Variants in FGD4 observed in about 807,000 individuals in gnomAD.
FGD4 encodes FYVE, RhoGEF and PH domain-containing protein 4.
FGD4 carries 42 observed loss-of-function variants against 102.0 expected under a neutral mutation model. The observed-to-expected ratio is 0.41, with a 90% CI of 0.32 to 0.53. The LOEUF (loss-of-function observed/expected upper bound fraction) is 0.53. FGD4 is among the 20% of genes least tolerant of loss of function. FGD4 has a pLI of 0.21. For synonymous variants in FGD4, 380 were observed against 375.7 expected, an observed-to-expected ratio of 1.01 and a Z score of -0.13; for missense variants, 902 against 1,078.2, an observed-to-expected ratio of 0.84 and a Z score of 2.29.
chr12:32,634,363 A>G (rs548826998), intron 15 of FGD4, among the ~76,000 whole-genome samples: 1 of 152,286 alleles, frequency 6.6e-6, no homozygotes, highest in African/African-American at 2.4e-5. Context: ...GACTCTTCCA[A>G]CTTTTTATAG....
chr12:32,632,294 C>T (rs899670778), intron 14 of FGD4, among the ~76,000 whole-genome samples: 4 of 152,110 alleles, frequency 2.6e-5, no homozygotes, highest in African/African-American at 9.6e-5. Context: ...AGCTTACAGC[C>T]CTATAAGGGA....
At chr12:32,480,699 C>T (rs1349895653) in intron 1 of FGD4, among the ~76,000 whole-genome samples, 4 of 151,694 alleles carry the variant, frequency 2.6e-5, no homozygotes, top group Non-Finnish European at 5.9e-5. Context: ...CGGGGTTTCA[C>T]CATGTTGGCC....
chr12:32,624,387 T>C, intron 11 of FGD4, 35 bp from the exon 12 acceptor site: 1 of 1,498,042 alleles, frequency 6.7e-7, no homozygotes, highest in African/African-American at 1.4e-5. Flanking sequence ...ATCATTAATA[T>C]TATTTACATT....
intron 4 of FGD4, among the ~76,000 whole-genome samples, chr12:32,587,362 A>AT (rs1452524615): frequency 2.7e-5 from 4 of 146,578 alleles, no homozygotes; most frequent in African/African-American, 5.0e-5. Flanking sequence ...GCTATTGCTT[A>AT]TTTTTTATTC....
At position 32,544,450 on chromosome 12, in the gene FGD4, G is replaced by A. The variant is rs1943077196; in HGVS notation, c.167-19687G>A. On this transcript the variant is annotated intron_variant, in intron 1 of 16. Transcript: ENST00000534526. This position sits in a 1 kb window ranked among gnomAD's most constrained non-coding sequence, Gnocchi z 4.1. Reference sequence around the variant, plus strand: ...CTCAAAACAAAGAAAATTGTTTTTGGCTGGGTGCAGTGGCTCATGCCTGTA... The same window carrying A: ...CTCAAAACAAAGAAAATTGTTTTTGACTGGGTGCAGTGGCTCATGCCTGTA... 6.6e-6 allele frequency among the ~76,000 whole-genome samples: 1 copy of A among 151,938 alleles called. No individual in the cohort carries two copies. The highest frequency in any genetic ancestry group is 6.6e-5 in the Admixed American group (1 of 15,266).
At chr12:32,619,557 G>A (rs1475416018) in intron 10 of FGD4, 141 bp from the exon 11 acceptor site, 6 of 885,934 alleles carry the variant, frequency 6.8e-6, no homozygotes, top group African/African-American at 3.3e-5. Context: ...GCGTGAACCC[G>A]GGAGGCAGAG....
chr12:32,524,894 A>G (rs1940981652), intron 1 of FGD4, among the ~76,000 whole-genome samples: 1 of 152,238 alleles, frequency 6.6e-6, no homozygotes, highest in African/African-American at 2.4e-5. Context: ...TTATAAACAT[A>G]GAAATTGTTG....
At chr12:32,407,728 G>T (rs1941005877) in intron 1 of FGD4, among the ~76,000 whole-genome samples, 1 of 152,080 alleles carries the variant, frequency 6.6e-6, no homozygotes, top group South Asian at 2.1e-4. Flanking sequence ...TCTTGAAGTA[G>T]ACCTGAATTT....
chr12:32,490,842 C>T, intron 1 of FGD4, among the ~76,000 whole-genome samples: 1 of 152,168 alleles, frequency 6.6e-6, no homozygotes, highest in Non-Finnish European at 1.5e-5. Context: ...TTTTCCCATA[C>T]ATTTCTTTCT....
intron 7 of FGD4, among the ~76,000 whole-genome samples, chr12:32,603,950 T>A (rs1436629169): frequency 6.6e-6 from 1 of 152,108 alleles, no homozygotes; most frequent in Non-Finnish European, 1.5e-5. Flanking sequence ...CCTCCCAGAG[T>A]GCTGGGATTA....
intron 4 of FGD4, among the ~76,000 whole-genome samples, chr12:32,584,850 T>C (rs1476387225): frequency 6.6e-6 from 1 of 152,132 alleles, no homozygotes; most frequent in Non-Finnish European, 1.5e-5. Flanking sequence ...ATGTGTTTCA[T>C]TTAAGCTGTG....
chr12:32,408,064 A>G (rs1941022506), intron 1 of FGD4, among the ~76,000 whole-genome samples: 1 of 151,634 alleles, frequency 6.6e-6, no homozygotes, highest in Non-Finnish European at 1.5e-5. Flanking sequence ...CGATGGTGCC[A>G]TCTTGGCTCA....
At chr12:32,557,626 T>C (rs1944228816) in intron 1 of FGD4, among the ~76,000 whole-genome samples, 1 of 152,210 alleles carries the variant, frequency 6.6e-6, no homozygotes. Flanking sequence ...AGATTTTCTT[T>C]TTGAAGAACC....
intron 1 of FGD4, among the ~76,000 whole-genome samples, chr12:32,457,743 C>G (rs940863714): frequency 6.6e-6 from 1 of 152,088 alleles, no homozygotes; most frequent in Non-Finnish European, 1.5e-5. Context: ...AAAAATATTA[C>G]ATGGTTATTT....
chr12:32,522,186 T>C lies in FGD4; in HGVS notation c.167-41951T>C, dbSNP rs976513245. ...TAATATTCTTTTTTCTTTGGAATAT[T>C]ATTACTGTAATATACTTCTGAGATT... is the stretch of plus-strand genomic sequence containing the variant. On this transcript the variant is annotated intron_variant, in intron 1 of 16. Transcript: ENST00000534526. 5.3e-5 allele frequency among the ~76,000 whole-genome samples: 8 copies of C among 152,210 alleles called. No homozygotes were observed. In the East Asian group the frequency reaches 1.2e-3, roughly 22 times the overall value.
In FGD4 at chr12:32,611,352, A is replaced by C. The variant is rs981065313; in HGVS notation, c.1749+69A>C. The C allele has an allele frequency of 5.1e-6, 8 of 1,577,166 alleles. No homozygotes were observed. In the Admixed American group the frequency reaches 1.0e-4, roughly 20 times the overall value. ...AAAATATGGCTGGGCACGGTGGCTC[A>C]TGCCTGTAATCCCAGCACTTTGGGA... On this transcript the variant is annotated intron_variant, in intron 10 of 16. Transcript: ENST00000534526.
chr12:32,625,972 AGCTT>A (rs1339759731), intron 14 of FGD4, among the ~76,000 whole-genome samples, 193 bp downstream of exon 14: 1 of 152,244 alleles, frequency 6.6e-6, no homozygotes, highest in African/African-American at 2.4e-5. Flanking sequence ...GGCTTTACAG[AGCTT>A]ACGTTGTAAT....
rs1454121219 is a variant in FGD4 at position 32,403,604 on chromosome 12, T to A, written c.166+3645T>A. Among the ~76,000 whole-genome samples, 7 of 149,212 alleles carry A rather than the reference T, an allele frequency of 4.7e-5. No homozygotes were observed. In the South Asian group the frequency reaches 1.3e-3, roughly 27 times the overall value. On this transcript the variant is annotated intron_variant, in intron 1 of 16. Transcript: ENST00000534526. ...GAGCAACGCAGCAAAACTCCATCTT[T>A]TTTTTTTTTTTGAGACTGAGTCTTA...
intron 1 of FGD4, among the ~76,000 whole-genome samples, chr12:32,414,728 TC>T (rs1941337366): frequency 6.6e-6 from 1 of 152,220 alleles, no homozygotes; most frequent in Non-Finnish European, 1.5e-5. Flanking sequence ...GACTTCTGGT[TC>T]CATCCATGCT....
Sources: gnomAD v4.1 joint callset for allele counts (sites outside exome capture counted in the v4.1 genomes callset) on GRCh38, gnomAD v4.1.1 for gene constraint, Gnocchi (gnomAD v3.1) non-coding constraint, MANE v1.5 for transcripts, NCBI Gene and HGNC (gene_info 2026-07-23, HGNC 2026-07-21) for gene names.